The following PEPD variants were observed in gnomAD, a reference collection of about 807,000 sequenced individuals.
PEPD encodes the protein peptidase D.
Under a neutral mutation model 60.7 loss-of-function variants are expected in PEPD, and 53 were observed. That is an observed-to-expected ratio of 0.87 (90% confidence interval 0.70 to 1.10). The LOEUF (loss-of-function observed/expected upper bound fraction) is 1.10. PEPD is among the 50% of genes least tolerant of loss of function. The pLI, the probability that PEPD is intolerant of heterozygous loss-of-function variation, is 0.00. For synonymous variants in PEPD, 267 were observed against 284.1 expected (o/e 0.94, Z 0.60); for missense variants, 711 against 711.9 (o/e 1.00, Z 0.01).
At chr19:33,478,998 T>C (rs550735309) in intron 6 of PEPD, among the ~76,000 whole-genome samples, 2 of 152,324 alleles carry the variant, frequency 1.3e-5, no homozygotes, top group South Asian at 2.1e-4. Flanking sequence ...AAGCGATAAT[T>C]GTAAATCTGT....
At chr19:33,494,987 T>A (rs1373357044) in intron 4 of PEPD, among the ~76,000 whole-genome samples, 1 of 151,722 alleles carries the variant, frequency 6.6e-6, no homozygotes, top group Non-Finnish European at 1.5e-5. Flanking sequence ...ACAAAAAAAA[T>A]TAGCTGGATG....
chr19:33,389,612 C>T (rs1358716705), intron 13 of PEPD, among the ~76,000 whole-genome samples: 1 of 152,224 alleles, frequency 6.6e-6, no homozygotes, highest in Non-Finnish European at 1.5e-5. Context: ...GGCCTGCCAA[C>T]GTCAGGTTTC....
chr19:33,416,585 C>T (rs1046223486), intron 9 of PEPD, among the ~76,000 whole-genome samples: 2 of 152,208 alleles, frequency 1.3e-5, no homozygotes, highest in Non-Finnish European at 2.9e-5. Flanking sequence ...CAGGCTCAAG[C>T]CCAGCGCGCA....
intron 9 of PEPD, among the ~76,000 whole-genome samples, chr19:33,445,651 T>A (rs911459255): frequency 4.6e-5 from 7 of 152,136 alleles, no homozygotes; most frequent in Admixed American, 3.3e-4. Context: ...AAAACACATT[T>A]CTGTTGCTTA....
chr19:33,442,542 T>A (rs12460068), intron 9 of PEPD, among the ~76,000 whole-genome samples: 5,415 of 97,062 alleles, frequency 0.056, 265 homozygotes, highest in Admixed American at 0.2. Context: ...CTACTAAAAA[T>A]AAAATAAAAA....
chr19:33,394,326 G>T (rs1231734185), intron 12 of PEPD, among the ~76,000 whole-genome samples: 1 of 152,268 alleles, frequency 6.6e-6, no homozygotes, highest in Non-Finnish European at 1.5e-5. Context: ...GCAGAGGGCG[G>T]GAATCAGGTA....
At chr19:33,473,328 T>G (rs1366747247) in intron 7 of PEPD, among the ~76,000 whole-genome samples, 1 of 151,806 alleles carries the variant, frequency 6.6e-6, no homozygotes, top group Non-Finnish European at 1.5e-5. Context: ...ATCATCTACG[T>G]ATCTTTTCTA....
intron 9 of PEPD, among the ~76,000 whole-genome samples, chr19:33,440,431 C>G (rs1380042492): frequency 6.6e-6 from 1 of 152,272 alleles, no homozygotes; most frequent in East Asian, 1.9e-4. Context: ...TGCTCCTGAC[C>G]TGGCCCCTCC....
At chr19:33,491,945 T>A (rs1366481916) in intron 5 of PEPD, among the ~76,000 whole-genome samples, 1 of 150,470 alleles carries the variant, frequency 6.6e-6, no homozygotes, top group Admixed American at 6.7e-5. Context: ...GGTCTTTGAA[T>A]AAATTTTGCT....
Position 33,446,176 on chromosome 19 carries a change from G to A in PEPD, c.671+16819C>T, listed in dbSNP as rs149061518. 2.0e-4 allele frequency among the ~76,000 whole-genome samples: 30 copies of A among 152,058 alleles called. 1 individual carries two copies. Among genetic ancestry groups the A allele is most frequent in the African/African-American group, 6.8e-4 (28 of 41,478 alleles). On this transcript the variant is annotated intron_variant, in intron 9 of 14. Coordinates refer to ENST00000244137, the MANE Select transcript of PEPD (RefSeq NM_000285.4). ...AGCCATTTCTCATCTGTTTGATCTC[G>A]GAGCCACCAGCACTATCTCCAGGCA...
chr19:33,501,115 TCAGCACC>T (rs1194786630), intron 3 of PEPD, 114 bp from the exon 4 acceptor site: 14 of 770,750 alleles, frequency 1.8e-5, no homozygotes, highest in East Asian at 1.5e-4. Flanking sequence ...CCTATCACGG[TCAGCACC>T]CAGCACCCAG....
At chr19:33,478,138 G>A in intron 6 of PEPD, 48 bp from the exon 7 acceptor site, 1 of 1,323,456 alleles carries the variant, frequency 7.6e-7, no homozygotes, top group Non-Finnish European at 1.1e-6. Context: ...GGTCTGTCAT[G>A]TCCCAGCAAG....
chr19:33,493,368 G>A lies in PEPD; in HGVS notation c.394-31C>T, dbSNP rs1970537354. 4 of 1,512,468 alleles carry A rather than the reference G, an allele frequency of 2.6e-6. No homozygotes were observed. The African/African-American group carries it at 5.5e-5, about 21-fold the overall frequency. The allele number at this position is 1,512,468 out of a possible 1,614,324, so 93.7% of individuals were successfully genotyped here. ...AGGTCGGAAAGAAAAACCCACTTTA[G>A]AGGCACCACTAAGCCTAATGAAGAT... is the stretch of plus-strand genomic sequence containing the variant. On this transcript the variant is annotated intron_variant, in intron 4 of 14. Coordinates refer to ENST00000244137, the MANE Select transcript of PEPD (RefSeq NM_000285.4).
intron 7 of PEPD, 44 bp downstream of exon 7, chr19:33,478,002 G>A (rs758711931): frequency 7.1e-6 from 10 of 1,412,458 alleles, no homozygotes; most frequent in Non-Finnish European, 1.0e-5. Flanking sequence ...ATCCCCATGA[G>A]CCGAGCACAA....
In PEPD at chr19:33,464,038, C is replaced by A. The variant is rs1315544291; in HGVS notation, c.573G>T (p.Glu191Asp). ...VECRVFKTDM[E>D]LEVLRYTNKI... ...TATTGGTATAGCGCAGAACCTCCAGCTCCATATCCGTCTTAAACACTCGGC... is the reference window on the plus strand; with the variant it reads ...TATTGGTATAGCGCAGAACCTCCAGATCCATATCCGTCTTAAACACTCGGC... The change falls in exon 8 of 15, where the codon GAG becomes GAT. Residue 191 changes from glutamate to aspartate, a missense_variant. Coordinates refer to ENST00000244137, the MANE Select transcript of PEPD (RefSeq NM_000285.4). 6.2e-7 allele frequency: 1 copy of A among 1,613,434 alleles called. No individual in the cohort carries two copies. Among genetic ancestry groups the A allele is most frequent in the African/African-American group, 1.3e-5 (1 of 75,042 alleles).
intron 3 of PEPD, among the ~76,000 whole-genome samples, chr19:33,508,894 G>A (rs980855780): frequency 6.6e-6 from 1 of 152,212 alleles, no homozygotes; most frequent in African/African-American, 2.4e-5. Context: ...TCATGTCAGT[G>A]TCAGAGATAC....
Position 33,459,673 on chromosome 19 carries a change from CTTTT to C in PEPD, c.671+3318_671+3321del, listed in dbSNP as rs10639577. On this transcript the variant is annotated intron_variant, in intron 9 of 14. Transcript: ENST00000244137. ...TTCATAAATGCCATCCGCTCGCTCA[CTTTT>C]TTTTTTTAACATGCCTTCAAGATTT... 1.3e-3 allele frequency among the ~76,000 whole-genome samples: 200 copies of C among 149,658 alleles called. 1 individual carries two copies. Among genetic ancestry groups the C allele is most frequent in the Non-Finnish European group, 1.9e-3 (125 of 67,206 alleles).
chr19:33,439,315 A>T (rs1969440103), intron 9 of PEPD, among the ~76,000 whole-genome samples: 2 of 152,102 alleles, frequency 1.3e-5, no homozygotes, highest in Non-Finnish European at 2.9e-5. Flanking sequence ...TGGGCACCTG[A>T]GCCGAGGGGT....
intron 9 of PEPD, among the ~76,000 whole-genome samples, chr19:33,423,338 T>G (rs1333085083): frequency 6.6e-6 from 1 of 152,270 alleles, no homozygotes; most frequent in Non-Finnish European, 1.5e-5. Context: ...AGGCTTCTTC[T>G]GCCTCTCTGT....
Sources: gnomAD v4.1 joint callset for allele counts (sites outside exome capture counted in the v4.1 genomes callset) on GRCh38, gnomAD v4.1.1 for gene constraint, MANE v1.5 for transcripts, NCBI Gene and HGNC (gene_info 2026-07-23, HGNC 2026-07-21) for gene names.